Variants in EML4 observed in about 807,000 individuals in gnomAD.
The protein encoded by EML4 is EMAP like 4.
In EML4, 72 loss-of-function variants were observed where a neutral mutation model predicts 129.0. The ratio of observed to expected loss-of-function variants is 0.56; its 90% CI spans 0.46 to 0.68. The LOEUF is 0.68. Ranked by LOEUF, EML4 falls within the 30% of genes least tolerant of loss-of-function variation. The pLI is 0.00. For synonymous variants in EML4, 532 were observed against 405.0 expected (o/e 1.31, Z -3.77); for missense variants, 1,363 against 1,190.6 (o/e 1.14, Z -2.13).
At chr2:42,183,747 A>AT (rs1671089001) in intron 1 of EML4, among the ~76,000 whole-genome samples, 1 of 151,916 alleles carries the variant, frequency 6.6e-6, no homozygotes, top group South Asian at 2.1e-4. Flanking sequence ...TATTTTTAGA[A>AT]TTTTTTTCTT....
rs146466390 is a variant in EML4, at chr2:42,304,543, C to G, written c.1959C>G (p.His653Gln). Residue 653 changes from histidine (H) to glutamine (Q), a missense_variant, in exon 17 of 23, where the codon CAC (histidine) becomes CAG (glutamine). His to Gln is a conservative substitution (Grantham distance 24). Transcript: ENST00000318522. ...GCACAGTGGTGGCCATAGGAACGCA[C>G]TCAGGCAGGTAGGGTCTTTAAGTGA... ...PSGTVVAIGT[H>Q]SGRWFVLDAE... 2.5e-6 allele frequency: 4 copies of G among 1,613,436 alleles called. No homozygotes were observed. The highest frequency in any genetic ancestry group is 3.4e-6 in the Non-Finnish European group (4 of 1,179,474).
chr2:42,265,113 C>T (rs868141232), intron 6 of EML4, among the ~76,000 whole-genome samples: 1 of 151,484 alleles, frequency 6.6e-6, no homozygotes, highest in South Asian at 2.1e-4. Flanking sequence ...TTTTTTGAGA[C>T]CGAGTCTCAT....
intron 1 of EML4, among the ~76,000 whole-genome samples, chr2:42,177,473 A>T (rs962962456): frequency 2.0e-5 from 3 of 152,020 alleles, no homozygotes; most frequent in Non-Finnish European, 4.4e-5. Flanking sequence ...GTACAAAAAA[A>T]TTAGCCAGGC....
At chr2:42,286,793 C>T (rs183259759) in intron 10 of EML4, among the ~76,000 whole-genome samples, 1 of 152,152 alleles carries the variant, frequency 6.6e-6, no homozygotes, top group Non-Finnish European at 1.5e-5. Flanking sequence ...CAAATATTGG[C>T]TTTTCTTGAT....
chr2:42,260,267 A>C (rs1033566761), intron 3 of EML4, among the ~76,000 whole-genome samples: 6 of 152,054 alleles, frequency 3.9e-5, no homozygotes, highest in Non-Finnish European at 1.5e-5. Context: ...TCCCTGGCTC[A>C]AGTGATTCTC....
intron 1 of EML4, among the ~76,000 whole-genome samples, chr2:42,171,097 T>A (rs556962250): frequency 6.6e-6 from 1 of 152,368 alleles, no homozygotes; most frequent in East Asian, 1.9e-4. Flanking sequence ...TAACCTTTGA[T>A]GTCTTGTAAT....
At chr2:42,182,157 TC>T (rs1229171767) in intron 1 of EML4, among the ~76,000 whole-genome samples, 3 of 124,744 alleles carry the variant, frequency 2.4e-5, no homozygotes, top group African/African-American at 9.4e-5. Context: ...GAAAAATTCT[TC>T]TTTTTTTTTT....
At chr2:42,268,887 T>G (rs766513615) in intron 6 of EML4, among the ~76,000 whole-genome samples, 2 of 152,214 alleles carry the variant, frequency 1.3e-5, no homozygotes, top group Non-Finnish European at 2.9e-5. Context: ...TGTTTAGATT[T>G]AACACATAAT....
intron 6 of EML4, among the ~76,000 whole-genome samples, chr2:42,280,204 C>G (rs1666929357): frequency 6.6e-6 from 1 of 152,192 alleles, no homozygotes; most frequent in Non-Finnish European, 1.5e-5. Context: ...ACTGCTGTCA[C>G]AAAATTTTCT....
At chr2:42,209,168 A>G (rs1036623729) in intron 1 of EML4, among the ~76,000 whole-genome samples, 7 of 152,216 alleles carry the variant, frequency 4.6e-5, no homozygotes, top group African/African-American at 1.7e-4. Flanking sequence ...GTTATTTGGA[A>G]ACTCAAGGCC....
intron 19 of EML4, among the ~76,000 whole-genome samples, chr2:42,320,345 C>T (rs976328003): frequency 8.7e-5 from 13 of 149,280 alleles, no homozygotes; most frequent in Middle Eastern, 6.9e-3. Context: ...AAAAAAAAAG[C>T]TGTGCTTAAT....
intron 1 of EML4, among the ~76,000 whole-genome samples, chr2:42,204,633 A>C (rs1672429912): frequency 6.6e-6 from 1 of 152,218 alleles, no homozygotes; most frequent in Admixed American, 6.5e-5. Flanking sequence ...GTAAAAAATC[A>C]TTCTTAGTTC....
intron 13 of EML4, among the ~76,000 whole-genome samples, chr2:42,300,224 C>T (rs1668206279): frequency 6.6e-6 from 1 of 152,114 alleles, no homozygotes; most frequent in African/African-American, 2.4e-5. Context: ...TTCTACCTTC[C>T]CATTTTGAAC....
At chr2:42,221,520 C>G (rs1184555068) in intron 1 of EML4, among the ~76,000 whole-genome samples, 1 of 148,928 alleles carries the variant, frequency 6.7e-6, no homozygotes, top group African/African-American at 2.4e-5. Context: ...AGCAATCCTC[C>G]CACCTGAGCC....
rs183514024 is a variant in EML4, at chr2:42,266,758, A to T, written c.667+2027A>T. 9.6e-4 allele frequency among the ~76,000 whole-genome samples: 146 copies of T among 152,026 alleles called. 1 individual carries two copies. The highest frequency in any genetic ancestry group is 1.8e-3 in the Non-Finnish European group (124 of 68,010). On this transcript the variant is annotated intron_variant, in intron 6 of 22. Transcript: ENST00000318522. ...CCTGGCTCTTATGCATAATAGCCTT[A>T]TGACCTAGGCTGAATGACAATGTCT...
In EML4 at chr2:42,311,540, C is replaced by CA. The variant is rs564350526; in HGVS notation, c.1968-4410dup. ...TGGGCAACAGAGCGAGACCCTGTCTCAAAAAAAAAAAATGGTAATAATTTT... is the reference window on the plus strand; with the variant it reads ...TGGGCAACAGAGCGAGACCCTGTCTCAAAAAAAAAAAAATGGTAATAATTTT... On this transcript the variant is annotated intron_variant, in intron 17 of 22. Coordinates refer to ENST00000318522, the MANE Select transcript of EML4 (RefSeq NM_019063.5). Among the ~76,000 whole-genome samples, 554 of 137,930 alleles carry CA rather than the reference C, an allele frequency of 4.0e-3. 2 individuals carry two copies. Among genetic ancestry groups the CA allele is most frequent in the Middle Eastern group, 0.011 (3 of 268 alleles). The allele number at this position is 137,930 out of a possible 152,430, so 90.5% of individuals were successfully genotyped here.
intron 1 of EML4, among the ~76,000 whole-genome samples, chr2:42,210,009 T>G (rs889066021): frequency 6.6e-6 from 1 of 151,948 alleles, no homozygotes; most frequent in African/African-American, 2.4e-5. Context: ...TGCAGAAAAA[T>G]CGAGTAGATC....
rs1670074425 is a variant in EML4 at position 42,331,022 on chromosome 2, TGA to T, written c.*816_*817del. On this transcript the variant is annotated 3_prime_UTR_variant, in exon 23 of 23. Coordinates refer to ENST00000318522, the MANE Select transcript of EML4 (RefSeq NM_019063.5). ...CATTCTCAAATGTTTGAGATTCAAG[TGA>T]ATGGAAGGAAAACCACATGCCTTTA... The T allele has an allele frequency of 4.7e-6, 1 of 214,130 alleles. No individual in the cohort carries two copies. Among genetic ancestry groups the T allele is most frequent in the East Asian group, 7.0e-5 (1 of 14,256 alleles). 13.3% of individuals were successfully genotyped at this position (214,130 alleles called of 1,614,324 possible).
chr2:42,246,083 T>C lies in EML4; in HGVS notation c.208+396T>C, dbSNP rs951804664. On this transcript the variant is annotated intron_variant, in intron 2 of 22. Coordinates refer to ENST00000318522, the MANE Select transcript of EML4 (RefSeq NM_019063.5). ...AGAAACATAATTAAAATCATCATAG[T>C]TTAAATAGCTTTATTCTGAACCCTC... Among the ~76,000 whole-genome samples the C allele has an allele frequency of 1.4e-4, 22 of 152,326 alleles. 1 individual carries two copies. The highest frequency in any genetic ancestry group is 5.1e-4 in the African/African-American group (21 of 41,566).
Sources: gnomAD v4.1 joint callset for allele counts (sites outside exome capture counted in the v4.1 genomes callset) on GRCh38, gnomAD v4.1.1 for gene constraint, MANE v1.5 for transcripts, NCBI Gene and HGNC (gene_info 2026-07-23, HGNC 2026-07-21) for gene names.